The following PTPN4 variants were observed in gnomAD, a reference collection of about 807,000 sequenced individuals.
PTPN4 encodes protein tyrosine phosphatase non-receptor type 4, also known as tyrosine-protein phosphatase non-receptor type 4.
PTPN4 carries 49 observed loss-of-function variants against 135.5 expected under a neutral mutation model. The observed-to-expected ratio is 0.36, with a 90% CI of 0.29 to 0.46. The LOEUF (loss-of-function observed/expected upper bound fraction) is 0.46, where lower values mean the gene tolerates loss of function less well. Among genes scored for constraint, PTPN4 ranks in the 20% least tolerant of loss-of-function variants. PTPN4 has a pLI of 1.00. For missense variants in PTPN4, 860 were observed against 1,101.0 expected (o/e 0.78, Z 3.10); for synonymous variants, 333 against 369.9 (o/e 0.90, Z 1.14).
intron 2 of PTPN4, among the ~76,000 whole-genome samples, chr2:119,825,745 C>T (rs572328121): frequency 1.3e-5 from 2 of 152,274 alleles, no homozygotes; most frequent in Admixed American, 6.5e-5. Flanking sequence ...ATCCACCCAC[C>T]TTGGCCTCCC....
chr2:119,858,000 C>T (rs900156008), intron 2 of PTPN4, among the ~76,000 whole-genome samples: 4 of 152,150 alleles, frequency 2.6e-5, no homozygotes, highest in African/African-American at 9.7e-5. Flanking sequence ...GCTCAGTTAA[C>T]CTGAAATCTG....
At chr2:119,847,326 A>T (rs1156631171) in intron 2 of PTPN4, among the ~76,000 whole-genome samples, 13 of 111,526 alleles carry the variant, frequency 1.2e-4, no homozygotes, top group African/African-American at 5.5e-4. Context: ...ATATATATAT[A>T]TATTTTTTTT....
intron 2 of PTPN4, among the ~76,000 whole-genome samples, chr2:119,852,310 C>T (rs1463998855): frequency 6.6e-6 from 1 of 152,196 alleles, no homozygotes. Flanking sequence ...TGACCCCAGC[C>T]AACAGGGGAA....
At chr2:119,845,272 GAGGGAGAGGGA>G (rs1677478488) in intron 2 of PTPN4, among the ~76,000 whole-genome samples, 1 of 106,964 alleles carries the variant, frequency 9.3e-6, no homozygotes, top group African/African-American at 3.4e-5. Flanking sequence ...GGGGGAGGGA[GAGGGAGAGGGA>G]GAGGGAGAGG....
chr2:119,918,873 C>G (rs1040189402), intron 11 of PTPN4, among the ~76,000 whole-genome samples: 3 of 152,080 alleles, frequency 2.0e-5, no homozygotes, highest in African/African-American at 7.2e-5. Flanking sequence ...CTGTTAAATT[C>G]ATTATAATAG....
intron 18 of PTPN4, among the ~76,000 whole-genome samples, chr2:119,948,535 G>A (rs753372763): frequency 8.5e-5 from 13 of 152,232 alleles, no homozygotes; most frequent in African/African-American, 2.6e-4. Flanking sequence ...GGAACAAAGA[G>A]TACTTACACA....
intron 8 of PTPN4, among the ~76,000 whole-genome samples, chr2:119,883,697 CTCT>C (rs1485150514): frequency 1.3e-5 from 2 of 152,122 alleles, no homozygotes; most frequent in Non-Finnish European, 2.9e-5. Context: ...TGTTTTATGC[CTCT>C]TCTTCTCTGT....
chr2:119,798,975 G>A (rs771680642), intron 1 of PTPN4, among the ~76,000 whole-genome samples: 10 of 152,146 alleles, frequency 6.6e-5, no homozygotes, highest in South Asian at 2.1e-4. Flanking sequence ...TTGCTTTATC[G>A]AATGTATTGT....
chr2:119,806,819 T>C (rs1691479111), intron 1 of PTPN4, among the ~76,000 whole-genome samples: 1 of 152,090 alleles, frequency 6.6e-6, no homozygotes, highest in African/African-American at 2.4e-5. Flanking sequence ...ATTGACCACA[T>C]AGTTGGAAGT....
intron 2 of PTPN4, among the ~76,000 whole-genome samples, chr2:119,839,954 G>A (rs1015683053): frequency 6.6e-6 from 1 of 152,078 alleles, no homozygotes. Context: ...AAACAGGAAG[G>A]CCATTTAATT....
chr2:119,916,035 A>T (rs931247810), intron 11 of PTPN4: 1 of 151,554 alleles, frequency 6.6e-6, no homozygotes, highest in African/African-American at 2.4e-5. Context: ...TACAAAAAAA[A>T]AATGGAAAAA....
At chr2:119,962,910 T>C (rs867297067) in intron 24 of PTPN4, among the ~76,000 whole-genome samples, 166 bp downstream of exon 24, 1 of 152,202 alleles carries the variant, frequency 6.6e-6, no homozygotes, top group Non-Finnish European at 1.5e-5. Flanking sequence ...AAGAGTATTA[T>C]CCTATTCTAT....
intron 1 of PTPN4, among the ~76,000 whole-genome samples, chr2:119,805,480 A>G (rs1691451461): frequency 6.6e-6 from 1 of 152,156 alleles, no homozygotes; most frequent in Admixed American, 6.6e-5. Context: ...AGGTGTAAGG[A>G]AGGGATCCAG....
At chr2:119,965,945 GCTGT>G (rs1236030107) in intron 25 of PTPN4, among the ~76,000 whole-genome samples, 1 of 152,112 alleles carries the variant, frequency 6.6e-6, no homozygotes, top group East Asian at 1.9e-4. Context: ...AGTACTGTGG[GCTGT>G]CTTAGTCCAT....
chr2:119,798,461 G>A (rs1043556637), intron 1 of PTPN4, among the ~76,000 whole-genome samples: 9 of 152,098 alleles, frequency 5.9e-5, no homozygotes, highest in Admixed American at 2.0e-4. Context: ...GCCACCATGC[G>A]CGGCCAACTG....
intron 2 of PTPN4, among the ~76,000 whole-genome samples, chr2:119,827,328 T>C (rs1195625440): frequency 6.6e-6 from 1 of 152,222 alleles, no homozygotes; most frequent in Non-Finnish European, 1.5e-5. Flanking sequence ...AAGTAGAATG[T>C]TTCAAAGTAC....
intron 1 of PTPN4, among the ~76,000 whole-genome samples, chr2:119,782,969 G>A (rs1160921203): frequency 6.7e-6 from 1 of 150,230 alleles, no homozygotes; most frequent in African/African-American, 2.4e-5. Flanking sequence ...TGGTATTACA[G>A]GTGTGAGCCA....
chr2:119,932,877 C>T (rs1470052743), intron 14 of PTPN4, among the ~76,000 whole-genome samples: 1 of 152,132 alleles, frequency 6.6e-6, no homozygotes, highest in Non-Finnish European at 1.5e-5. Context: ...TTGACATACT[C>T]ATTTTTCATG....
At chr2:119,899,696 A>C (rs943804651) in intron 9 of PTPN4, among the ~76,000 whole-genome samples, 1 of 152,138 alleles carries the variant, frequency 6.6e-6, no homozygotes, top group African/African-American at 2.4e-5. Flanking sequence ...CTTGATCCAA[A>C]CTTCTAATTG....
Sources: gnomAD v4.1 joint callset for allele counts (sites outside exome capture counted in the v4.1 genomes callset) on GRCh38, gnomAD v4.1.1 for gene constraint, MANE v1.5 for transcripts, NCBI Gene and HGNC (gene_info 2026-07-23, HGNC 2026-07-21) for gene names.